Variants in TMTC2 observed in about 807,000 individuals in gnomAD.
TMTC2 encodes the protein protein O-mannosyl-transferase TMTC2.
A neutral mutation model predicts 82.4 loss-of-function variants in TMTC2; 43 were observed. That is an observed-to-expected ratio of 0.52 (90% CI 0.41 to 0.67). The LOEUF (loss-of-function observed/expected upper bound fraction) is 0.67, where lower values mean the gene tolerates loss of function less well. TMTC2 is among the 30% of genes least tolerant of loss of function. TMTC2 has a pLI of 0.00. For missense variants in TMTC2, 919 were observed against 1,012.4 expected (o/e 0.91, Z 1.25); for synonymous variants, 408 against 381.9 (o/e 1.07, Z -0.80).
At chr12:83,121,568 A>C (rs1161696606) in intron 11 of TMTC2, among the ~76,000 whole-genome samples, 3 of 152,012 alleles carry the variant, frequency 2.0e-5, no homozygotes, top group Non-Finnish European at 4.4e-5. Flanking sequence ...CAGGGGGGTG[A>C]AATGGACTCT....
At chr12:82,917,894 C>T (rs1407211886) in intron 3 of TMTC2, among the ~76,000 whole-genome samples, 1 of 150,246 alleles carries the variant, frequency 6.7e-6, no homozygotes, top group South Asian at 2.1e-4. Context: ...AGCCACTGCT[C>T]CCGGCCAGCT....
intron 1 of TMTC2, among the ~76,000 whole-genome samples, chr12:82,799,060 A>C (rs1878869015): frequency 6.6e-6 from 1 of 152,210 alleles, no homozygotes; most frequent in Non-Finnish European, 1.5e-5. Context: ...TCTGTACATC[A>C]GTCTGATATT....
intron 1 of TMTC2, among the ~76,000 whole-genome samples, chr12:82,841,024 C>A (rs1397744614): frequency 2.0e-5 from 3 of 152,178 alleles, no homozygotes. Context: ...AGGTGATCCA[C>A]CCACCTCAGC....
intron 1 of TMTC2, among the ~76,000 whole-genome samples, chr12:82,695,652 T>C (rs12579483): frequency 0.23 from 35,440 of 152,030 alleles, 4,565 homozygotes; most frequent in East Asian, 0.42. Context: ...GGAGTAAGGC[T>C]GCTCCAGAGG....
At chr12:82,843,376 C>G (rs1870450862) in intron 1 of TMTC2, among the ~76,000 whole-genome samples, 1 of 152,090 alleles carries the variant, frequency 6.6e-6, no homozygotes, top group Non-Finnish European at 1.5e-5. Context: ...CGTGAGCCAC[C>G]ATGCCCAGCA....
rs533885908 is a variant in TMTC2 at position 83,035,070 on chromosome 12, G to A, written c.2152+4191G>A. On this transcript the variant is annotated intron_variant, in intron 9 of 11. Coordinates refer to ENST00000321196, the MANE Select transcript of TMTC2 (RefSeq NM_152588.3). ...CCAATGAAAGTGCCAGAGTGAGTGA[G>A]TTTTGTATGGGAAATCCACTCTCTT... is the stretch of plus-strand genomic sequence containing the variant. Among the ~76,000 whole-genome samples the A allele has an allele frequency of 5.9e-5, 9 of 152,238 alleles. No homozygotes were observed. The East Asian group carries it at 1.5e-3, about 26-fold the overall frequency.
Position 82,859,356 on chromosome 12 carries a change from G to A in TMTC2, c.654+1776G>A, listed in dbSNP as rs7308630. On this transcript the variant is annotated intron_variant, in intron 2 of 11. Transcript: ENST00000321196. ...GCTGGGATTACAGGTGTGAGCCACC[G>A]CACCCGGTTGTGATTTCTTTTACAG... Among the ~76,000 whole-genome samples the A allele has an allele frequency of 6.4e-3, 972 of 152,190 alleles. 9 individuals carry two copies. Among genetic ancestry groups the A allele is most frequent in the African/African-American group, 0.022 (920 of 41,518 alleles).
chr12:82,871,396 G>T, intron 2 of TMTC2, among the ~76,000 whole-genome samples: 1 of 149,954 alleles, frequency 6.7e-6, no homozygotes, highest in East Asian at 1.9e-4. Flanking sequence ...CTTGGCTTTG[G>T]GACCAATGCT....
chr12:82,714,957 A>C (rs1468347131), intron 1 of TMTC2, among the ~76,000 whole-genome samples: 1 of 152,208 alleles, frequency 6.6e-6, no homozygotes, highest in Non-Finnish European at 1.5e-5. Flanking sequence ...ATCAGCTGAC[A>C]AAAAGCAGAT....
intron 1 of TMTC2, among the ~76,000 whole-genome samples, chr12:82,715,742 T>C (rs1372634933): frequency 6.6e-6 from 1 of 152,100 alleles, no homozygotes; most frequent in Non-Finnish European, 1.5e-5. Flanking sequence ...ATGGTAGGGA[T>C]GGGGTAGGGA....
chr12:82,771,370 T>C (rs997388129), intron 1 of TMTC2, among the ~76,000 whole-genome samples: 2 of 152,142 alleles, frequency 1.3e-5, no homozygotes, highest in Non-Finnish European at 2.9e-5. Flanking sequence ...AAGTGAAACA[T>C]TTATAAATTG....
intron 1 of TMTC2, among the ~76,000 whole-genome samples, chr12:82,829,743 C>T (rs1869648741): frequency 6.6e-6 from 1 of 152,136 alleles, no homozygotes; most frequent in South Asian, 2.1e-4. Context: ...AAGGAGACCT[C>T]ATCTACTCAT....
intron 11 of TMTC2, among the ~76,000 whole-genome samples, chr12:83,122,076 C>T (rs1884968675): frequency 6.6e-6 from 1 of 152,080 alleles, no homozygotes; most frequent in Admixed American, 6.6e-5. Flanking sequence ...ATGCTACCCG[C>T]TTCCCAGCTG....
chr12:82,838,432 G>A (rs1034023449), intron 1 of TMTC2, among the ~76,000 whole-genome samples: 6 of 152,326 alleles, frequency 3.9e-5, no homozygotes, highest in African/African-American at 1.4e-4. Context: ...TCCCTACCAT[G>A]ATGATCGTTT....
At chr12:82,987,626 A>T (rs1796296) in intron 8 of TMTC2, among the ~76,000 whole-genome samples, 144,631 of 152,152 alleles carry the variant, frequency 0.95, 68,804 homozygotes, top group East Asian at 1. Flanking sequence ...AACAGCAGGC[A>T]GGTCCTGCAG....
At chr12:82,965,502 T>G in intron 5 of TMTC2, 58 bp from the exon 6 acceptor site, 5 of 1,571,210 alleles carry the variant, frequency 3.2e-6, no homozygotes, top group African/African-American at 1.4e-5. Context: ...AAGAAAACTT[T>G]ATTTTATTCA....
chr12:82,719,229 G>T (rs929824162), intron 1 of TMTC2, among the ~76,000 whole-genome samples: 3 of 150,910 alleles, frequency 2.0e-5, no homozygotes, highest in Admixed American at 1.3e-4. Flanking sequence ...AAGTAGCTGG[G>T]ATTGCAGGCG....
At chr12:83,067,565 T>G (rs1241339309) in intron 11 of TMTC2, among the ~76,000 whole-genome samples, 1 of 150,558 alleles carries the variant, frequency 6.6e-6, no homozygotes, top group Non-Finnish European at 1.5e-5. Context: ...AGAGGGGAGG[T>G]AACTTTAGGT....
chr12:82,716,859 C>A (rs1373745559), intron 1 of TMTC2, among the ~76,000 whole-genome samples: 6 of 152,128 alleles, frequency 3.9e-5, no homozygotes, highest in Non-Finnish European at 8.8e-5. Context: ...TGCTTATAAG[C>A]CTCTTCTGCT....
Sources: allele counts gnomAD v4.1 joint callset (sites outside exome capture counted in the v4.1 genomes callset), GRCh38; gene constraint gnomAD v4.1.1; transcripts MANE v1.5; gene names NCBI Gene and HGNC (gene_info 2026-07-23, HGNC 2026-07-21).